DUT: variants seen among roughly 807,000 people sequenced by gnomAD.
The protein encoded by DUT is deoxyuridine 5'-triphosphate nucleotidohydrolase, mitochondrial.
DUT carries 21 observed loss-of-function variants against 28.8 expected under a neutral mutation model. The ratio of observed to expected loss-of-function variants is 0.73; its 90% CI spans 0.52 to 1.05. The LOEUF is 1.05. Among genes scored for constraint, DUT ranks in the 50% least tolerant of loss-of-function variants. The probability of loss-of-function intolerance (pLI) is 0.00; values close to 1 mark genes in which losing one functional copy is unlikely to be tolerated. For synonymous variants in DUT, 147 were observed against 143.7 expected (o/e 1.02, Z -0.17); for missense variants, 344 against 351.8 (o/e 0.98, Z 0.18).
rs1285825627 is a variant in DUT at position 48,331,808 on chromosome 15, G to C, written c.280+13G>C. ...GCGCCGGGGCCGGGTAGGAAAGGCG[G>C]GGGAGGGGCTCCGGCCGTCTGGAAG... On this transcript the variant is annotated intron_variant, in intron 1 of 6. Coordinates refer to ENST00000331200, the MANE Select transcript of DUT (RefSeq NM_001025248.2). The C allele has an allele frequency of 1.5e-6, 2 of 1,364,514 alleles. No individual in the cohort carries two copies. The highest frequency in any genetic ancestry group is 1.5e-5 in the African/African-American group (1 of 65,118). 84.5% of individuals were successfully genotyped at this position (1,364,514 alleles called of 1,614,324 possible). A position where few individuals can be genotyped will look rare whatever the true frequency, so the allele number is the denominator to read the frequency against.
Position 48,331,709 on chromosome 15 carries a change from A to T in DUT, c.194A>T (p.Gln65Leu). ...CTGTCCAGCGCTGGCCGCCTGAGCC[A>T]AGGCTGCCGCGGAGCCAGTACAGTC... ...RPLSSAGRLS[Q>L]GCRGASTVGA... is the part of the protein sequence containing the mutation. Residue 65 changes from glutamine to leucine, a missense_variant, in exon 1 of 7, where the codon CAA becomes CTA. Coordinates refer to ENST00000331200, the MANE Select transcript of DUT (RefSeq NM_001025248.2). 1 of 1,511,010 alleles carries T rather than the reference A, an allele frequency of 6.6e-7. No homozygotes were observed. The highest frequency in any genetic ancestry group is 8.8e-7 in the Non-Finnish European group (1 of 1,131,514). 93.6% of individuals were successfully genotyped at this position (1,511,010 alleles called of 1,614,324 possible).
Position 48,332,388 on chromosome 15 carries a change from C to T in DUT, c.401C>T (p.Ala134Val). ...TAPTRGSARA[A>V]GYDLYSAYDY... ...CCCACCCGGGGCTCCGCGCGCGCCG[C>T]GGGCTACGACCTGTACAGGTGAGCG... Residue 134 changes from alanine (A) to valine (V), a missense_variant, in exon 2 of 7, where the codon GCG becomes GTG. Transcript: ENST00000331200. 2 of 1,579,254 alleles carry T rather than the reference C, an allele frequency of 1.3e-6. No homozygotes were observed. Among genetic ancestry groups the T allele is most frequent in the Non-Finnish European group, 1.7e-6 (2 of 1,165,754 alleles).
chr15:48,338,803 A>G (rs1400055244), intron 4 of DUT, among the ~76,000 whole-genome samples: 1 of 152,254 alleles, frequency 6.6e-6, no homozygotes, highest in East Asian at 1.9e-4. Context: ...ATGTAAAAGC[A>G]GCCTGTGTCT....
chr15:48,332,181 C>G, intron 1 of DUT, 87 bp from the exon 2 acceptor site: 1 of 1,481,488 alleles, frequency 6.7e-7, no homozygotes, highest in Non-Finnish European at 8.9e-7. Context: ...TTGGCGCGCT[C>G]CCTGCGGCGA....
At chr15:48,332,070 C>T (rs2042419804) in intron 1 of DUT, 198 bp from the exon 2 acceptor site, 2 of 1,267,390 alleles carry the variant, frequency 1.6e-6, no homozygotes, top group South Asian at 1.8e-5. Context: ...AGAAGGGCTT[C>T]AAACCCAAAA....
intron 4 of DUT, among the ~76,000 whole-genome samples, chr15:48,336,777 A>G (rs1227547735): frequency 1.3e-5 from 2 of 152,190 alleles, no homozygotes; most frequent in Non-Finnish European, 2.9e-5. Context: ...CTTGGCCCCC[A>G]CATAAGTAGG....
At chr15:48,337,473 T>C (rs2042487778) in intron 4 of DUT, among the ~76,000 whole-genome samples, 1 of 152,188 alleles carries the variant, frequency 6.6e-6, no homozygotes, top group South Asian at 2.1e-4. Flanking sequence ...TGGAAATTAG[T>C]GTGCCTGCCT....
chr15:48,339,906 G>A (rs1422980938), intron 4 of DUT, among the ~76,000 whole-genome samples: 1 of 152,130 alleles, frequency 6.6e-6, no homozygotes, highest in Non-Finnish European at 1.5e-5. Context: ...TGTTTTTGCT[G>A]AATATTTTTC....
chr15:48,337,035 A>G (rs2042483642), intron 4 of DUT, among the ~76,000 whole-genome samples: 1 of 152,188 alleles, frequency 6.6e-6, no homozygotes, highest in Non-Finnish European at 1.5e-5. Flanking sequence ...AGGGCTAACT[A>G]AGCACTTAAT....
intron 6 of DUT, 89 bp from the exon 7 acceptor site, chr15:48,341,933 C>A: frequency 1.1e-6 from 1 of 950,062 alleles, no homozygotes; most frequent in Non-Finnish European, 1.6e-6. Flanking sequence ...GAGTAGAATT[C>A]TGGCTGTATT....
Position 48,342,037 on chromosome 15 carries a change from GA to G in DUT, c.721del (p.Arg241GlyfsTer28), listed in dbSNP as rs762017160. The G allele has an allele frequency of 2.5e-6, 4 of 1,579,352 alleles. No homozygotes were observed. Among genetic ancestry groups the G allele is most frequent in the Admixed American group, 1.9e-5 (1 of 53,338 alleles). On this transcript the variant is annotated frameshift_variant, in exon 7 of 7. Transcript: ENST00000331200. LOFTEE classifies it high-confidence loss of function. ...IEEVQALDDT[E>X]RGSGGFGSTG... is the part of the protein sequence containing the mutation. The stretch of plus-strand genomic sequence containing the variant: ...TATCTTTCAGGCCTTGGATGACACC[GA>G]AAGGGGTTCAGGAGGTTTTGGTTCC...
chr15:48,331,326 C>T (rs1023752449), upstream of DUT: 29 of 1,442,286 alleles, frequency 2.0e-5, no homozygotes, highest in Non-Finnish European at 2.5e-5. Context: ...GCCAACGGCG[C>T]CGTCTTCCTG....
At chr15:48,340,682 A>G (rs937369654) in intron 4 of DUT, among the ~76,000 whole-genome samples, 7 of 152,194 alleles carry the variant, frequency 4.6e-5, no homozygotes, top group Non-Finnish European at 8.8e-5. Flanking sequence ...CATGAAGCCT[A>G]TGTGCTACAG....
rs148901972 is a variant in DUT at position 48,334,331 on chromosome 15, G to C, written c.420-86G>C. 3.2e-3 allele frequency: 2,790 copies of C among 861,918 alleles called. 14 individuals carry two copies. The highest frequency in any genetic ancestry group is 4.6e-3 in the Non-Finnish European group (2,678 of 579,656). 53.4% of individuals were successfully genotyped at this position (861,918 alleles called of 1,614,324 possible). A position where few individuals can be genotyped will look rare whatever the true frequency, so the allele number is the denominator to read the frequency against. Reference sequence around the variant, plus strand: ...CATTAATTCATTAAATACACTGAAAGTAATTTTGTATGCTTGGTCACAAAG... The same window carrying C: ...CATTAATTCATTAAATACACTGAAACTAATTTTGTATGCTTGGTCACAAAG... On this transcript the variant is annotated intron_variant, in intron 2 of 6. Coordinates refer to ENST00000331200, the MANE Select transcript of DUT (RefSeq NM_001025248.2).
chr15:48,337,745 G>A (rs1363732889), intron 4 of DUT, among the ~76,000 whole-genome samples: 4 of 152,176 alleles, frequency 2.6e-5, no homozygotes, highest in African/African-American at 9.7e-5. Context: ...ACATTGTGGT[G>A]TGTTCTTGGA....
rs2141156153 is a variant in DUT at position 48,332,127 on chromosome 15, G to T, written c.281-141G>T. 15 of 1,403,952 alleles carry T rather than the reference G, an allele frequency of 1.1e-5. No homozygotes were observed. The South Asian group carries it at 1.1e-4, about 10-fold the overall frequency. 87.0% of individuals were successfully genotyped at this position (1,403,952 alleles called of 1,614,324 possible). A position where few individuals can be genotyped will look rare whatever the true frequency, so the allele number is the denominator to read the frequency against. On this transcript the variant is annotated intron_variant, in intron 1 of 6. Coordinates refer to ENST00000331200, the MANE Select transcript of DUT (RefSeq NM_001025248.2). ...CAGCCAGAACTGTGGACTCGTCCCG[G>T]GGAGGGGCGGTGGGTGGGGCGGGGC...
At chr15:48,332,217 C>G in intron 1 of DUT, 51 bp from the exon 2 acceptor site, 1 of 1,547,336 alleles carries the variant, frequency 6.5e-7, no homozygotes, top group Non-Finnish European at 8.7e-7. Context: ...CTCCTCTTCC[C>G]CCGGTGGTCT....
At chr15:48,336,198 G>C in intron 4 of DUT, 108 bp downstream of exon 4, 1 of 934,502 alleles carries the variant, frequency 1.1e-6, no homozygotes, top group South Asian at 2.1e-5. Flanking sequence ...AAAATGATTA[G>C]AGGAAAGCTT....
rs780789372 is a variant in DUT at position 48,334,384 on chromosome 15, AT to A, written c.420-30del. ...AATATAAAAACAATTTTATAAATAG[AT>A]TTGCAGTTATTTTCTTTCAATATTT... On this transcript the variant is annotated intron_variant, in intron 2 of 6. Coordinates refer to ENST00000331200, the MANE Select transcript of DUT (RefSeq NM_001025248.2). The A allele has an allele frequency of 1.3e-4, 183 of 1,360,254 alleles. No homozygotes were observed. The East Asian group carries it at 4.0e-3, about 30-fold the overall frequency. The allele number at this position is 1,360,254 out of a possible 1,614,324, so 84.3% of individuals were successfully genotyped here.
Sources: allele counts gnomAD v4.1 joint callset (sites outside exome capture counted in the v4.1 genomes callset), GRCh38; gene constraint gnomAD v4.1.1; transcripts MANE v1.5; gene names NCBI Gene and HGNC (gene_info 2026-07-23, HGNC 2026-07-21).